FRMPD4: variants seen among roughly 807,000 people sequenced by gnomAD.
FRMPD4 encodes FERM and PDZ domain-containing protein 4.
FRMPD4 carries 22 observed loss-of-function variants against 94.1 expected under a neutral mutation model. That is an observed-to-expected ratio of 0.23 (90% confidence interval 0.17 to 0.33). The LOEUF (loss-of-function observed/expected upper bound fraction) is 0.33, where lower values mean the gene tolerates loss of function less well. FRMPD4 is among the 10% of genes least tolerant of loss of function. The pLI, the probability that FRMPD4 is intolerant of heterozygous loss-of-function variation, is 1.00. For missense variants in FRMPD4, 1,111 were observed against 1,339.9 expected (o/e 0.83, Z 2.67); for synonymous variants, 631 against 548.6 (o/e 1.15, Z -2.10).
chrX:11,992,049 A>G (rs73190517), intron 3 of FRMPD4, among the ~76,000 whole-genome samples: 7,908 of 111,218 alleles, frequency 0.071, 252 homozygotes, highest in Non-Finnish European at 0.11. Flanking sequence ...CTACTATCCA[A>G]TGATTTAGAA....
chrX:11,857,394 C>G (rs1436552694), intron 1 of FRMPD4, among the ~76,000 whole-genome samples: 1 of 111,191 alleles, frequency 9.0e-6, no homozygotes, highest in East Asian at 2.8e-4. Flanking sequence ...AATAGAGAAC[C>G]TAGAAATAAG....
intron 3 of FRMPD4, among the ~76,000 whole-genome samples, chrX:11,921,124 G>A (rs1159140261): frequency 1.8e-5 from 2 of 112,197 alleles, no homozygotes; most frequent in Non-Finnish European, 3.8e-5. Context: ...TATGAGGAGT[G>A]TATTAGTCAA....
At chrX:12,574,408 G>C (rs1307469199) in intron 2 of FRMPD4, among the ~76,000 whole-genome samples, 1 of 112,480 alleles carries the variant, frequency 8.9e-6, no homozygotes, top group East Asian at 2.7e-4. Context: ...TGCTATGCTA[G>C]AGAATGAGAA....
chrX:11,910,606 G>C (rs1469124252), intron 3 of FRMPD4, among the ~76,000 whole-genome samples: 2 of 111,261 alleles, frequency 1.8e-5, no homozygotes, highest in Non-Finnish European at 3.8e-5. Context: ...AATAGGGATG[G>C]GGTTTCACCA....
At chrX:12,697,851 A>C (rs189258367) in intron 9 of FRMPD4, among the ~76,000 whole-genome samples, 17 of 112,216 alleles carry the variant, frequency 1.5e-4, no homozygotes, top group African/African-American at 5.2e-4. Context: ...GAAAAATAGA[A>C]AAACAGGTAT....
intron 1 of FRMPD4, among the ~76,000 whole-genome samples, chrX:12,152,258 G>A (rs1400940259): frequency 3.6e-5 from 4 of 111,800 alleles, no homozygotes; most frequent in Non-Finnish European, 7.5e-5. Flanking sequence ...CAAATTCAAA[G>A]AAATTCATCT....
intron 3 of FRMPD4, among the ~76,000 whole-genome samples, chrX:12,092,758 T>C (rs2055165294): frequency 9.0e-6 from 1 of 111,592 alleles, no homozygotes; most frequent in South Asian, 3.8e-4. Context: ...CACCTAAGTA[T>C]TGGGACACAG....
At chrX:12,268,183 T>G (rs1205522766) in intron 1 of FRMPD4, among the ~76,000 whole-genome samples, 3 of 111,791 alleles carry the variant, frequency 2.7e-5, no homozygotes, top group Non-Finnish European at 3.8e-5. Context: ...TGACCAGGCT[T>G]GGAAGCAGCA....
intron 2 of FRMPD4, among the ~76,000 whole-genome samples, chrX:12,560,367 T>C (rs1287065534): frequency 1.8e-5 from 2 of 108,772 alleles, no homozygotes; most frequent in African/African-American, 6.7e-5. Context: ...AAAAAAAAAT[T>C]AGTTGCCTGA....
At chrX:12,173,511 C>G (rs1333348821) in intron 1 of FRMPD4, among the ~76,000 whole-genome samples, 1 of 112,352 alleles carries the variant, frequency 8.9e-6, no homozygotes, top group Admixed American at 9.4e-5. Context: ...GAAGTATGAA[C>G]AGAGTGTTGG....
At chrX:12,246,651 C>T (rs1235323978) in intron 1 of FRMPD4, among the ~76,000 whole-genome samples, 1 of 99,908 alleles carries the variant, frequency 1.0e-5, no homozygotes. Flanking sequence ...TTGCATAATT[C>T]TTATGGCAAT....
At chrX:12,625,579 A>G (rs184140276) in intron 4 of FRMPD4, among the ~76,000 whole-genome samples, 14 of 112,110 alleles carry the variant, frequency 1.2e-4, no homozygotes, top group Admixed American at 7.6e-4. Context: ...TGTGGGAGCT[A>G]AAAAACTGGA....
intron 3 of FRMPD4, among the ~76,000 whole-genome samples, chrX:12,108,680 T>C (rs1291525218): frequency 4.5e-5 from 5 of 111,301 alleles, no homozygotes; most frequent in African/African-American, 1.3e-4. Context: ...AGGAGACCCA[T>C]CTCATGTGCA....
intron 1 of FRMPD4, among the ~76,000 whole-genome samples, chrX:12,471,698 T>G (rs1041630296): frequency 8.9e-6 from 1 of 112,025 alleles, no homozygotes; most frequent in African/African-American, 3.3e-5. Context: ...AGATGCTCAC[T>G]GTTGTACTTT....
intron 1 of FRMPD4, among the ~76,000 whole-genome samples, chrX:12,475,649 A>G (rs781128249): frequency 2.7e-5 from 3 of 112,222 alleles, no homozygotes; most frequent in South Asian, 3.8e-4. Flanking sequence ...AAAAATCACA[A>G]GCATTCTTAT....
intron 3 of FRMPD4, among the ~76,000 whole-genome samples, chrX:12,017,535 G>A (rs770318298): frequency 8.5e-4 from 95 of 111,973 alleles, no homozygotes; most frequent in African/African-American, 3.0e-3. Context: ...GCTCGTTCAG[G>A]CCCAATAAAT....
intron 3 of FRMPD4, among the ~76,000 whole-genome samples, chrX:11,980,135 C>G (rs1442996803): frequency 2.7e-5 from 3 of 111,002 alleles, no homozygotes; most frequent in Non-Finnish European, 5.7e-5. Context: ...ATTTATGGGA[C>G]TATTTAAAAT....
At chrX:12,682,325 T>A (rs2059980851) in intron 5 of FRMPD4, among the ~76,000 whole-genome samples, 1 of 112,307 alleles carries the variant, frequency 8.9e-6, no homozygotes, top group Admixed American at 9.4e-5. Context: ...GGCTTTTGTA[T>A]CTCTAGATTA....
At chrX:12,034,428 T>A (rs1046203361) in intron 3 of FRMPD4, among the ~76,000 whole-genome samples, 3 of 112,371 alleles carry the variant, frequency 2.7e-5, no homozygotes, top group Non-Finnish European at 5.6e-5. Context: ...GTTTTTTCAG[T>A]GCTCCTTTTG....
Sources: allele counts gnomAD v4.1 joint callset (sites outside exome capture counted in the v4.1 genomes callset), GRCh38; gene constraint gnomAD v4.1.1; transcripts MANE v1.5; gene names NCBI Gene and HGNC (gene_info 2026-07-23, HGNC 2026-07-21).